The following DYSF variants were observed in gnomAD, a reference collection of about 807,000 sequenced individuals.
DYSF encodes dysferlin.
Under a neutral mutation model 274.9 loss-of-function variants are expected in DYSF, and 212 were observed. The ratio of observed to expected loss-of-function variants is 0.77; its 90% CI spans 0.69 to 0.86. DYSF has a LOEUF of 0.86. Among genes scored for constraint, DYSF ranks in the 40% least tolerant of loss-of-function variants. The probability of loss-of-function intolerance (pLI) is 0.00; values close to 1 mark genes in which losing one functional copy is unlikely to be tolerated. For synonymous variants in DYSF, 1,091 were observed against 1,078.7 expected, an observed-to-expected ratio of 1.01 and a Z score of -0.22; for missense variants, 2,666 against 2,783.2, an observed-to-expected ratio of 0.96 and a Z score of 0.95.
In DYSF at chr2:71,517,255, C is replaced by T. The variant is rs13402171; in HGVS notation, c.1002+216C>T. ...AAGAGAAAGAAAGCACTTTTTGTCACTGAAGAGGCCTTAAACCAGAGTGAG... is the reference window on the plus strand; with the variant it reads ...AAGAGAAAGAAAGCACTTTTTGTCATTGAAGAGGCCTTAAACCAGAGTGAG... On this transcript the variant is annotated intron_variant, in intron 10 of 55. Coordinates refer to ENST00000410020, the MANE Select transcript of DYSF (RefSeq NM_001130987.2). Among the ~76,000 whole-genome samples, 13,887 of 152,214 alleles carry T rather than the reference C, an allele frequency of 0.091. 656 individuals are homozygous for T. Among genetic ancestry groups the T allele is most frequent in the African/African-American group, 0.11 (4,470 of 41,532 alleles).
chr2:71,590,192 G>GT lies in DYSF; in HGVS notation c.3497-13dup, dbSNP rs1411437971. 5.0e-6 allele frequency: 8 copies of GT among 1,613,908 alleles called. No individual in the cohort carries two copies. Among genetic ancestry groups the GT allele is most frequent in the Non-Finnish European group, 6.8e-6 (8 of 1,179,950 alleles). On this transcript the variant is annotated intron_variant, in intron 31 of 55. Transcript: ENST00000410020. The stretch of plus-strand genomic sequence containing the variant: ...TCCAGCCACTCACTCTGGCACCTCT[G>GT]TTTTTTCCCTTGGTGAAGATGGGAA...
chr2:71,583,831 A>G (rs565329037), intron 30 of DYSF, among the ~76,000 whole-genome samples: 4 of 152,098 alleles, frequency 2.6e-5, no homozygotes, highest in South Asian at 4.1e-4. Context: ...TGGTCCTTGG[A>G]TATTAGTCCT....
chr2:71,636,180 G>A (rs1368424647), intron 41 of DYSF, among the ~76,000 whole-genome samples: 4 of 152,180 alleles, frequency 2.6e-5, no homozygotes, highest in African/African-American at 9.7e-5. Context: ...GACTTTAGAA[G>A]TTATTACAAG....
At chr2:71,534,938 G>A in intron 14 of DYSF, 83 bp from the exon 15 acceptor site, 1 of 1,447,582 alleles carries the variant, frequency 6.9e-7, no homozygotes, top group Non-Finnish European at 9.7e-7. Flanking sequence ...GGCAGAGAAT[G>A]GTCACTGGCT....
At chr2:71,679,633 G>A (rs1348541777) in intron 53 of DYSF, among the ~76,000 whole-genome samples, 3 of 152,140 alleles carry the variant, frequency 2.0e-5, no homozygotes, top group Non-Finnish European at 4.4e-5. Flanking sequence ...TGAGAGGTCT[G>A]CTTAGAGGGG....
At chr2:71,465,488 G>C (rs1022670210), upstream of DYSF, among the ~76,000 whole-genome samples, 1 of 152,148 alleles carries the variant, frequency 6.6e-6, no homozygotes, top group African/African-American at 2.4e-5. Flanking sequence ...CAGCAGTGAG[G>C]GCTCGCTTGA....
rs1025986113 is a variant in DYSF at position 71,595,257 on chromosome 2, A to G, written c.3575-3307A>G. On this transcript the variant is annotated intron_variant, in intron 32 of 55. Coordinates refer to ENST00000410020, the MANE Select transcript of DYSF (RefSeq NM_001130987.2). ...ATTTTGAACAATTTTTCTTAATTTTATAGGAAAAATATTGCTGGAGTCTAG... is the reference window on the plus strand; with the variant it reads ...ATTTTGAACAATTTTTCTTAATTTTGTAGGAAAAATATTGCTGGAGTCTAG... Among the ~76,000 whole-genome samples, 38 of 152,296 alleles carry G rather than the reference A, an allele frequency of 2.5e-4. No individual in the cohort carries two copies. The East Asian group carries it at 6.8e-3, about 27-fold the overall frequency.
intron 3 of DYSF, among the ~76,000 whole-genome samples, chr2:71,501,757 TA>T (rs1217995358): frequency 6.6e-6 from 1 of 152,244 alleles, no homozygotes; most frequent in African/African-American, 2.4e-5. Flanking sequence ...GACTGAATAA[TA>T]TTCCATTGTA....
chr2:71,680,677 C>T (rs371178643), intron 53 of DYSF, among the ~76,000 whole-genome samples: 34 of 152,170 alleles, frequency 2.2e-4, no homozygotes, highest in African/African-American at 5.5e-4. Flanking sequence ...AAATATATTC[C>T]GAAGTGAAAA....
At chr2:71,565,266 A>ATTTTTTTTTTTTTTTTT (rs1236133814) in intron 24 of DYSF, among the ~76,000 whole-genome samples, 18 of 113,804 alleles carry the variant, frequency 1.6e-4, no homozygotes, top group African/African-American at 5.7e-4. Context: ...TTTTTTTTTA[A>ATTTTTTTTTTTTTTTTT]TTTTAGTGGA....
chr2:71,670,956 C>A (rs1426899134), intron 51 of DYSF, among the ~76,000 whole-genome samples: 1 of 152,120 alleles, frequency 6.6e-6, no homozygotes, highest in African/African-American at 2.4e-5. Flanking sequence ...CGATTTCCTT[C>A]CAGAGGTGGC....
intron 8 of DYSF, 44 bp from the exon 9 acceptor site, chr2:71,516,136 G>C: frequency 1.3e-6 from 2 of 1,578,692 alleles, no homozygotes; most frequent in Non-Finnish European, 1.7e-6. Flanking sequence ...TGGCCTGAGG[G>C]ATCAGCAGGC....
At chr2:71,673,328 C>T (rs1395605358) in intron 51 of DYSF, among the ~76,000 whole-genome samples, 3 of 152,228 alleles carry the variant, frequency 2.0e-5, no homozygotes, top group Non-Finnish European at 4.4e-5. Context: ...TCAGTTGCTC[C>T]ATGAAGCCTC....
At chr2:71,490,053 C>T (rs115724312) in intron 3 of DYSF, among the ~76,000 whole-genome samples, 16 of 152,272 alleles carry the variant, frequency 1.1e-4, no homozygotes, top group African/African-American at 2.4e-4. Flanking sequence ...GATGCACTTA[C>T]GTAAACCACA....
chr2:71,477,478 A>G (rs1016177413), intron 1 of DYSF, among the ~76,000 whole-genome samples: 1 of 152,166 alleles, frequency 6.6e-6, no homozygotes, highest in Admixed American at 6.5e-5. Flanking sequence ...TGAAAAAAAC[A>G]GGCTGTAAGA....
intron 9 of DYSF, among the ~76,000 whole-genome samples, chr2:71,516,736 GCT>G (rs2086700458): frequency 6.6e-6 from 1 of 152,160 alleles, no homozygotes; most frequent in African/African-American, 2.4e-5. Flanking sequence ...GTGGATTCCA[GCT>G]CTGTCTATGC....
chr2:71,564,883 G>C (rs2091988215), intron 24 of DYSF, among the ~76,000 whole-genome samples: 1 of 152,206 alleles, frequency 6.6e-6, no homozygotes, highest in Admixed American at 6.5e-5. Flanking sequence ...GAGCCCATCT[G>C]TGCTCCTCTC....
chr2:71,505,506 G>A (rs972812582), intron 4 of DYSF, among the ~76,000 whole-genome samples: 1 of 152,222 alleles, frequency 6.6e-6, no homozygotes, highest in Non-Finnish European at 1.5e-5. Flanking sequence ...AGAGGCGTGG[G>A]GGAGGCCGGG....
At chr2:71,467,063 G>A (rs191055511) in intron 1 of DYSF, 130 bp downstream of exon 1, 2 of 1,345,354 alleles carry the variant, frequency 1.5e-6, no homozygotes, top group Non-Finnish European at 1.0e-6. Context: ...TGTCAGCAGG[G>A]ACGGAAATCC....
Sources: allele counts gnomAD v4.1 joint callset (sites outside exome capture counted in the v4.1 genomes callset), GRCh38; gene constraint gnomAD v4.1.1; transcripts MANE v1.5; gene names NCBI Gene and HGNC (gene_info 2026-07-23, HGNC 2026-07-21).